Variants in SOCS5 observed in about 807,000 individuals in gnomAD.
SOCS5 encodes the protein CIS-6.
In SOCS5, 32 loss-of-function variants were observed where a neutral mutation model predicts 42.8. The ratio of observed to expected loss-of-function variants is 0.75; its 90% CI spans 0.56 to 1.01. SOCS5 has a LOEUF of 1.01. SOCS5 is among the 50% of genes least tolerant of loss of function. The pLI is 0.00. For missense variants in SOCS5, 627 were observed against 653.0 expected (o/e 0.96, Z 0.43); for synonymous variants, 283 against 229.6 (o/e 1.23, Z -2.10).
At chr2:46,757,738 A>G (rs1217247311) in intron 1 of SOCS5, among the ~76,000 whole-genome samples, 1 of 152,152 alleles carries the variant, frequency 6.6e-6, no homozygotes, top group Non-Finnish European at 1.5e-5. Flanking sequence ...GTGGTGGTAC[A>G]CGCCTGTAAT....
intron 1 of SOCS5, among the ~76,000 whole-genome samples, chr2:46,747,454 AGTCT>A (rs1673528411): frequency 2.0e-5 from 3 of 152,120 alleles, no homozygotes; most frequent in Admixed American, 2.0e-4. Context: ...GGGCTCAAGC[AGTCT>A]GTCTGCCTTG....
rs1312236341 is a variant in SOCS5, at chr2:46,701,638, A to G, written c.-13+2189A>G. ...AAGGATGAAGAAGTTTGAGTTGACT[A>G]CTTTTATCCATGAAATTTTGTAAAA... On this transcript the variant is annotated intron_variant, in intron 1 of 1. Transcript: ENST00000394861. Among the ~76,000 whole-genome samples the G allele has an allele frequency of 2.0e-5, 3 of 151,612 alleles. No individual in the cohort carries two copies. The East Asian group carries it at 5.8e-4, about 29-fold the overall frequency.
chr2:46,701,792 T>G, intron 1 of SOCS5, among the ~76,000 whole-genome samples: 1 of 90,068 alleles, frequency 1.1e-5, no homozygotes, highest in Non-Finnish European at 1.9e-5. Context: ...TGCCCTAGAG[T>G]AGTTTAGCAT....
At chr2:46,712,822 G>C (rs576179026) in intron 1 of SOCS5, among the ~76,000 whole-genome samples, 2 of 151,042 alleles carry the variant, frequency 1.3e-5, no homozygotes, top group African/African-American at 4.9e-5. Flanking sequence ...TTTGCTTTTT[G>C]TTTTGTTTCC....
At chr2:46,710,366 C>T (rs1672590411) in intron 1 of SOCS5, among the ~76,000 whole-genome samples, 1 of 152,106 alleles carries the variant, frequency 6.6e-6, no homozygotes, top group Non-Finnish European at 1.5e-5. Flanking sequence ...AGGCTGGTCT[C>T]AAACTGCTGA....
chr2:46,722,907 C>T (rs1368478736), intron 1 of SOCS5, among the ~76,000 whole-genome samples: 1 of 152,038 alleles, frequency 6.6e-6, no homozygotes, highest in Non-Finnish European at 1.5e-5. Context: ...TCTCTAATGT[C>T]TAATAACGTT....
chr2:46,740,852 C>T (rs1388012855), intron 1 of SOCS5, among the ~76,000 whole-genome samples: 1 of 152,138 alleles, frequency 6.6e-6, no homozygotes, highest in Non-Finnish European at 1.5e-5. Context: ...GGACTTCTGA[C>T]CTGTTTTCCT....
Position 46,754,068 on chromosome 2 carries a change from G to A in SOCS5, c.-12-4451G>A, listed in dbSNP as rs141821865. On this transcript the variant is annotated intron_variant, in intron 1 of 1. Coordinates refer to ENST00000394861, the MANE Select transcript of SOCS5 (RefSeq NM_144949.3). The stretch of plus-strand genomic sequence containing the variant: ...TGACTTAGAATGCCTAACCCCCTAG[G>A]AATGCAGCCCAGTAGGTCTCAGCCT... 4.9e-3 allele frequency among the ~76,000 whole-genome samples: 740 copies of A among 152,192 alleles called. 6 individuals carry two copies. The highest frequency in any genetic ancestry group is 9.9e-3 in the Admixed American group (152 of 15,278).
At chr2:46,732,297 C>G (rs1673144670) in intron 1 of SOCS5, among the ~76,000 whole-genome samples, 1 of 152,162 alleles carries the variant, frequency 6.6e-6, no homozygotes, top group African/African-American at 2.4e-5. Context: ...GTCAGTCAGC[C>G]TGGAGGAGTC....
chr2:46,745,975 A>G (rs1223673143), intron 1 of SOCS5, among the ~76,000 whole-genome samples: 1 of 152,108 alleles, frequency 6.6e-6, no homozygotes, highest in African/African-American at 2.4e-5. Context: ...TAATACCGTT[A>G]ACTGTTGTTT....
rs1673898410 is a variant in SOCS5 at position 46,762,772 on chromosome 2, A to G, written c.*2631A>G. The G allele has an allele frequency of 6.0e-6, 1 of 165,342 alleles. No individual in the cohort carries two copies. Among genetic ancestry groups the G allele is most frequent in the Non-Finnish European group, 1.5e-5 (1 of 68,096 alleles). 10.2% of individuals were successfully genotyped at this position (165,342 alleles called of 1,614,324 possible). On this transcript the variant is annotated 3_prime_UTR_variant, in exon 2 of 2. Coordinates refer to ENST00000394861, the MANE Select transcript of SOCS5 (RefSeq NM_144949.3). ...AAGTGCATTTAAATACAAACCAGGA[A>G]TTTCTTTAGAAGTTGAGATACATCT...
intron 1 of SOCS5, among the ~76,000 whole-genome samples, chr2:46,703,308 C>A (rs1672386308): frequency 6.6e-6 from 1 of 151,346 alleles, no homozygotes; most frequent in African/African-American, 2.4e-5. Flanking sequence ...CAAAGTGATG[C>A]TAGCAGGGCT....
chr2:46,713,958 G>A (rs1186597843), intron 1 of SOCS5, among the ~76,000 whole-genome samples: 1 of 152,000 alleles, frequency 6.6e-6, no homozygotes, highest in Non-Finnish European at 1.5e-5. Flanking sequence ...GTATTTTTCA[G>A]GTATCCTTTT....
intron 1 of SOCS5, among the ~76,000 whole-genome samples, chr2:46,755,609 G>A (rs1212568329): frequency 3.3e-5 from 5 of 152,166 alleles, no homozygotes; most frequent in African/African-American, 1.2e-4. Flanking sequence ...CTAAGCATGT[G>A]TAGAAATGTA....
At chr2:46,741,688 A>G (rs1030870742) in intron 1 of SOCS5, among the ~76,000 whole-genome samples, 4 of 152,186 alleles carry the variant, frequency 2.6e-5, no homozygotes, top group South Asian at 2.1e-4. Flanking sequence ...ATTTAATATC[A>G]TGAACATTAC....
intron 1 of SOCS5, among the ~76,000 whole-genome samples, chr2:46,742,036 C>T (rs922613640): frequency 2.0e-5 from 3 of 152,172 alleles, no homozygotes; most frequent in Non-Finnish European, 4.4e-5. Flanking sequence ...TCTCAATACC[C>T]ATGCTAGATA....
intron 1 of SOCS5, among the ~76,000 whole-genome samples, chr2:46,700,626 G>T (rs532198496): frequency 3.3e-5 from 5 of 152,292 alleles, no homozygotes; most frequent in African/African-American, 9.6e-5. Flanking sequence ...TAAGCTAGCA[G>T]CTCTATTAAG....
At chr2:46,725,430 ATTG>A (rs1672969925) in intron 1 of SOCS5, among the ~76,000 whole-genome samples, 1 of 151,690 alleles carries the variant, frequency 6.6e-6, no homozygotes, top group Non-Finnish European at 1.5e-5. Context: ...CTCTTTGTTT[ATTG>A]TTCCTCTTTT....
At chr2:46,708,734 C>T (rs540584105) in intron 1 of SOCS5, among the ~76,000 whole-genome samples, 43 of 152,250 alleles carry the variant, frequency 2.8e-4, no homozygotes, top group Non-Finnish European at 5.4e-4. Context: ...TTCCTGCCTT[C>T]GGAATCCTGG....
Sources: gnomAD v4.1 joint callset for allele counts (sites outside exome capture counted in the v4.1 genomes callset) on GRCh38, gnomAD v4.1.1 for gene constraint, MANE v1.5 for transcripts, NCBI Gene and HGNC (gene_info 2026-07-23, HGNC 2026-07-21) for gene names.